Variants in CCDC80 observed in about 807,000 individuals in gnomAD.
The protein encoded by CCDC80 is coiled-coil domain-containing protein 80.
A neutral mutation model predicts 78.7 loss-of-function variants in CCDC80; 49 were observed. The observed-to-expected ratio is 0.62, with a 90% CI of 0.50 to 0.79. The LOEUF (loss-of-function observed/expected upper bound fraction) is 0.79, where lower values mean the gene tolerates loss of function less well. Among genes scored for constraint, CCDC80 ranks in the 30% least tolerant of loss-of-function variants. The pLI, the probability that CCDC80 is intolerant of heterozygous loss-of-function variation, is 0.00. For missense variants in CCDC80, 1,205 were observed against 1,198.6 expected (o/e 1.01, Z -0.08); for synonymous variants, 488 against 447.0 (o/e 1.09, Z -1.16).
rs769318377 is a variant in CCDC80 at position 112,619,084 on chromosome 3, C to T, written c.2056G>A (p.Val686Met). Residue 686 changes from valine to methionine, a missense_variant, in exon 4 of 8, where the codon GTG becomes ATG. Physicochemically the swap from Val to Met is conservative, Grantham distance 21. Coordinates refer to ENST00000206423, the MANE Select transcript of CCDC80 (RefSeq NM_199511.3). ...TCTACCAAGTCTTCATCATCCACCACTCGCATGGGCTTCTCATTATCTTAA... is the reference window on the plus strand; with the variant it reads ...TCTACCAAGTCTTCATCATCCACCATTCGCATGGGCTTCTCATTATCTTAA... ...FQLDNEKPMR[V>M]VDDEDLVDQR... The T allele has an allele frequency of 5.6e-6, 9 of 1,594,324 alleles. No individual in the cohort carries two copies. The African/African-American group carries it at 1.1e-4, about 19-fold the overall frequency.
rs754201530 is a variant in CCDC80 at position 112,612,040 on chromosome 3, CTTTTT to C, written c.2322-1964_2322-1960del. ...TGTGACATTACATTCACTTCCTCTG[CTTTTT>C]TTTTTTTTTTTTTTTTAAAAAGGGA... On this transcript the variant is annotated intron_variant, in intron 5 of 7. Coordinates refer to ENST00000206423, the MANE Select transcript of CCDC80 (RefSeq NM_199511.3). 3.7e-4 allele frequency among the ~76,000 whole-genome samples: 49 copies of C among 133,418 alleles called. 1 individual carries two copies. The highest frequency in any genetic ancestry group is 7.8e-3 in the Middle Eastern group (2 of 258). 87.5% of individuals were successfully genotyped at this position (133,418 alleles called of 152,430 possible).
rs1935306663 is a variant in CCDC80 at position 112,597,793 on chromosome 3, C to T, written c.*7624G>A. 2 of 152,244 alleles carry T rather than the reference C, an allele frequency of 1.3e-5. No homozygotes were observed. Among genetic ancestry groups the T allele is most frequent in the Admixed American group, 1.3e-4 (2 of 15,278 alleles). The allele number at this position is 152,244 out of a possible 1,614,324, so 9.4% of individuals were successfully genotyped here. A position where few individuals can be genotyped will look rare whatever the true frequency, so the allele number is the denominator to read the frequency against. ...ATAACCATCATCACTCATCATCTCT[C>T]CCTGGTCCCTTCCACCTGCCAAACC... On this transcript the variant is annotated 3_prime_UTR_variant, in exon 8 of 8. Coordinates refer to ENST00000206423, the MANE Select transcript of CCDC80 (RefSeq NM_199511.3).
rs1935305198 is a variant in CCDC80 at position 112,597,720 on chromosome 3, T to A, written c.*7697A>T. On this transcript the variant is annotated 3_prime_UTR_variant, in exon 8 of 8. Transcript: ENST00000206423. The stretch of plus-strand genomic sequence containing the variant: ...ATGAAGTACTTGCTAAATCATGTGG[T>A]GCGTGAAAGGAAGAGCAATGTTATA... The A allele has an allele frequency of 6.6e-6, 1 of 152,142 alleles. No homozygotes were observed. The highest frequency in any genetic ancestry group is 6.5e-5 in the Admixed American group (1 of 15,276). 9.4% of individuals were successfully genotyped at this position (152,142 alleles called of 1,614,324 possible). A position where few individuals can be genotyped will look rare whatever the true frequency, so the allele number is the denominator to read the frequency against.
chr3:112,633,773 A>G (rs1376181691), intron 2 of CCDC80, among the ~76,000 whole-genome samples: 1 of 152,180 alleles, frequency 6.6e-6, no homozygotes, highest in Admixed American at 6.6e-5. Context: ...CTATGTTTTG[A>G]CATCTCCATC....
intron 1 of CCDC80, 126 bp from the exon 2 acceptor site, chr3:112,640,042 G>T (rs1936311840): frequency 1.4e-6 from 2 of 1,436,548 alleles, no homozygotes; most frequent in Non-Finnish European, 1.8e-6. Context: ...GAAAAGGTTG[G>T]TTAGAGAGAA....
intron 2 of CCDC80, among the ~76,000 whole-genome samples, chr3:112,630,956 G>T (rs1936085250): frequency 6.6e-6 from 1 of 151,872 alleles, no homozygotes; most frequent in Admixed American, 6.6e-5. Context: ...TTCAGACCTG[G>T]TATTTTTCAC....
rs1935374007 is a variant in CCDC80, at chr3:112,601,521, A to G, written c.*3896T>C. ...TATTTGTTGAAAAAAGAAATGTAGTAAAGAAGCAAGGATGGCTGGGCATGG... is the reference window on the plus strand; with the variant it reads ...TATTTGTTGAAAAAAGAAATGTAGTGAAGAAGCAAGGATGGCTGGGCATGG... On this transcript the variant is annotated 3_prime_UTR_variant, in exon 8 of 8. Coordinates refer to ENST00000206423, the MANE Select transcript of CCDC80 (RefSeq NM_199511.3). 6.6e-6 allele frequency: 1 copy of G among 152,094 alleles called. No individual in the cohort carries two copies. The highest frequency in any genetic ancestry group is 2.4e-5 in the African/African-American group (1 of 41,400). The allele number at this position is 152,094 out of a possible 1,614,324, so 9.4% of individuals were successfully genotyped here. A position where few individuals can be genotyped will look rare whatever the true frequency, so the allele number is the denominator to read the frequency against.
intron 2 of CCDC80, among the ~76,000 whole-genome samples, chr3:112,632,369 T>A (rs1451401969): frequency 6.6e-6 from 1 of 152,168 alleles, no homozygotes; most frequent in Non-Finnish European, 1.5e-5. Flanking sequence ...TATTCTAAAT[T>A]AAGGATAAGC....
intron 3 of CCDC80, among the ~76,000 whole-genome samples, chr3:112,621,399 T>C (rs938455562): frequency 6.6e-6 from 1 of 152,136 alleles, no homozygotes; most frequent in Non-Finnish European, 1.5e-5. Flanking sequence ...ACCCCCAGCA[T>C]GCGTGCAAGC....
intron 3 of CCDC80, among the ~76,000 whole-genome samples, chr3:112,625,728 G>T (rs1159087531): frequency 6.6e-6 from 1 of 152,074 alleles, no homozygotes; most frequent in Non-Finnish European, 1.5e-5. Flanking sequence ...AGTACTAAAT[G>T]AATAAATAAG....
intron 5 of CCDC80, among the ~76,000 whole-genome samples, chr3:112,611,487 C>T (rs1935627643): frequency 1.3e-5 from 2 of 152,190 alleles, no homozygotes; most frequent in African/African-American, 4.8e-5. Context: ...TTCATTAGAG[C>T]TCAGTGAGGC....
chr3:112,634,204 A>G (rs1437541024), intron 2 of CCDC80, among the ~76,000 whole-genome samples: 4 of 152,182 alleles, frequency 2.6e-5, no homozygotes, highest in Admixed American at 2.6e-4. Context: ...ACAGCAGGAA[A>G]CCTTAAATTC....
chr3:112,615,648 G>A (rs1478575413), intron 5 of CCDC80, among the ~76,000 whole-genome samples: 1 of 152,124 alleles, frequency 6.6e-6, no homozygotes, highest in Non-Finnish European at 1.5e-5. Context: ...TAAGTCACAG[G>A]ATGAAAAAGG....
chr3:112,612,865 ATTTTTTT>A (rs5851854), intron 5 of CCDC80, among the ~76,000 whole-genome samples: 1 of 129,774 alleles, frequency 7.7e-6, no homozygotes, highest in Non-Finnish European at 1.6e-5. Flanking sequence ...CAGGACTGTA[ATTTTTTT>A]TTTTTTTTTT....
intron 4 of CCDC80, among the ~76,000 whole-genome samples, chr3:112,617,477 A>G (rs1305581559): frequency 6.6e-6 from 1 of 152,262 alleles, no homozygotes; most frequent in Admixed American, 6.5e-5. Context: ...GAGCGTAATC[A>G]GCATAAACTG....
At chr3:112,614,552 G>A (rs1174283560) in intron 5 of CCDC80, among the ~76,000 whole-genome samples, 1 of 151,604 alleles carries the variant, frequency 6.6e-6, no homozygotes, top group Admixed American at 6.6e-5. Flanking sequence ...GAAGCTCAGA[G>A]CCCTTTCTCA....
chr3:112,620,362 C>T (rs1935841054), intron 3 of CCDC80, among the ~76,000 whole-genome samples: 1 of 152,108 alleles, frequency 6.6e-6, no homozygotes, highest in Admixed American at 6.5e-5. Flanking sequence ...GAGCTGAGAG[C>T]CTAGATGAGA....
At chr3:112,633,660 A>G (rs1444071702) in intron 2 of CCDC80, among the ~76,000 whole-genome samples, 1 of 152,170 alleles carries the variant, frequency 6.6e-6, no homozygotes, top group African/African-American at 2.4e-5. Context: ...CGACTTTACC[A>G]GTTGGTGAAA....
At chr3:112,632,988 CA>C (rs1936127967) in intron 2 of CCDC80, among the ~76,000 whole-genome samples, 1 of 152,154 alleles carries the variant, frequency 6.6e-6, no homozygotes, top group Non-Finnish European at 1.5e-5. Context: ...CAGTCAAAGT[CA>C]GGGGGCTGTC....
Sources: gnomAD v4.1 joint callset for allele counts (sites outside exome capture counted in the v4.1 genomes callset) on GRCh38, gnomAD v4.1.1 for gene constraint, MANE v1.5 for transcripts, NCBI Gene and HGNC (gene_info 2026-07-23, HGNC 2026-07-21) for gene names.